METAP1: variants seen among roughly 807,000 people sequenced by gnomAD.
METAP1 encodes methionyl aminopeptidase 1.
METAP1 carries 28 observed loss-of-function variants against 53.8 expected under a neutral mutation model. The ratio of observed to expected loss-of-function variants is 0.52; its 90% CI spans 0.39 to 0.71. The LOEUF is 0.71. METAP1 is among the 30% of genes least tolerant of loss of function. The pLI is 0.00. For synonymous variants in METAP1, 181 were observed against 165.7 expected (o/e 1.09, Z -0.71); for missense variants, 389 against 479.8 (o/e 0.81, Z 1.77).
At chr4:99,033,110 A>G (rs1003778871) in intron 2 of METAP1, among the ~76,000 whole-genome samples, 16 of 152,312 alleles carry the variant, frequency 1.1e-4, no homozygotes, top group East Asian at 3.9e-4. Flanking sequence ...CTTGTGAACC[A>G]CACAGTCTCT....
intron 7 of METAP1, 111 bp from the exon 8 acceptor site, chr4:99,045,068 A>G (rs1292357957): frequency 1.2e-5 from 13 of 1,086,414 alleles, no homozygotes; most frequent in Non-Finnish European, 1.6e-5. Flanking sequence ...TAATTTGAGA[A>G]TGCAGAAGTT....
rs1727570038 is a variant in METAP1, at chr4:99,061,943, C to T, written c.*626C>T. On this transcript the variant is annotated 3_prime_UTR_variant, in exon 11 of 11. Transcript: ENST00000296411. ...GGAAGCACTCACCCAATGAGACTTT[C>T]TCCAATGTGGACTCTGTGTGTCAGT... is the stretch of plus-strand genomic sequence containing the variant. 6.6e-6 allele frequency: 1 copy of T among 152,178 alleles called. No individual in the cohort carries two copies. Among genetic ancestry groups the T allele is most frequent in the Non-Finnish European group, 1.5e-5 (1 of 68,036 alleles). 9.4% of individuals were successfully genotyped at this position (152,178 alleles called of 1,614,324 possible).
At chr4:99,025,157 AGC>A (rs1224068595) in intron 1 of METAP1, among the ~76,000 whole-genome samples, 1 of 152,232 alleles carries the variant, frequency 6.6e-6, no homozygotes, top group African/African-American at 2.4e-5. Flanking sequence ...ACTGACCAGT[AGC>A]AGTCCATGGC....
intron 1 of METAP1, among the ~76,000 whole-genome samples, chr4:99,018,089 C>T (rs1723881881): frequency 6.6e-6 from 1 of 152,228 alleles, no homozygotes; most frequent in Admixed American, 6.5e-5. Flanking sequence ...AAGCAATTTA[C>T]TTCTTAATGC....
At chr4:99,034,368 AC>A in intron 3 of METAP1, 26 bp downstream of exon 3, 2 of 1,317,382 alleles carry the variant, frequency 1.5e-6, no homozygotes, top group Non-Finnish European at 2.1e-6. Flanking sequence ...AATAAAAACA[AC>A]ATTCCAATTT....
chr4:99,008,384 AT>A (rs1246408077), intron 1 of METAP1, among the ~76,000 whole-genome samples: 1 of 152,150 alleles, frequency 6.6e-6, no homozygotes, highest in African/African-American at 2.4e-5. Flanking sequence ...TCAGTTGAAT[AT>A]TTTTTTCCAA....
chr4:99,029,256 AT>A (rs1724815549), intron 2 of METAP1, among the ~76,000 whole-genome samples: 1 of 152,104 alleles, frequency 6.6e-6, no homozygotes, highest in African/African-American at 2.4e-5. Flanking sequence ...TATGTGAGTG[AT>A]TTGGCTTCAT....
At chr4:99,012,181 A>G (rs1378245613) in intron 1 of METAP1, among the ~76,000 whole-genome samples, 1 of 150,734 alleles carries the variant, frequency 6.6e-6, no homozygotes, top group Admixed American at 6.6e-5. Flanking sequence ...ATTAATTTCT[A>G]ATATTTATTA....
intron 2 of METAP1, among the ~76,000 whole-genome samples, chr4:99,029,532 G>A (rs74385102): frequency 1.3e-5 from 2 of 152,124 alleles, no homozygotes; most frequent in African/African-American, 2.4e-5. Flanking sequence ...TGTCATTAGC[G>A]TGGCTGGTTT....
At chr4:99,010,047 A>AT (rs1427265223) in intron 1 of METAP1, among the ~76,000 whole-genome samples, 9 of 152,150 alleles carry the variant, frequency 5.9e-5, no homozygotes, top group African/African-American at 1.7e-4. Context: ...TTTTGAGTTA[A>AT]TTTTTATATA....
rs1724525954 is a variant in METAP1 at position 99,025,896 on chromosome 4, T to G, written c.115-2971T>G. ...CAACCCCTTGTCTTAACCCAGACAT[T>G]CCTTTCTACAGATAATAACACTTTC... On this transcript the variant is annotated intron_variant, in intron 1 of 10. Transcript: ENST00000296411. Among the ~76,000 whole-genome samples the G allele has an allele frequency of 2.0e-5, 3 of 152,220 alleles. No homozygotes were observed. The South Asian group carries it at 6.2e-4, about 32-fold the overall frequency.
At chr4:99,058,768 A>AT (rs1159016686) in intron 10 of METAP1, among the ~76,000 whole-genome samples, 1 of 152,258 alleles carries the variant, frequency 6.6e-6, no homozygotes, top group Non-Finnish European at 1.5e-5. Context: ...AAGGGCCTGC[A>AT]TGCCAGGAGG....
intron 1 of METAP1, chr4:99,023,872 A>G (rs1724328998): frequency 1.3e-6 from 1 of 772,750 alleles, no homozygotes; most frequent in Non-Finnish European, 1.6e-6. Context: ...CAGTAGAGAA[A>G]GAGTTACTTA....
chr4:99,001,746 G>T (rs1722937746), intron 1 of METAP1, among the ~76,000 whole-genome samples: 1 of 152,022 alleles, frequency 6.6e-6, no homozygotes, highest in Non-Finnish European at 1.5e-5. Flanking sequence ...ACTTACTCAG[G>T]AACGTATAAT....
At chr4:99,040,135 C>A (rs1309991735) in intron 5 of METAP1, among the ~76,000 whole-genome samples, 1 of 152,192 alleles carries the variant, frequency 6.6e-6, no homozygotes, top group South Asian at 2.1e-4. Flanking sequence ...ATTTAGATGA[C>A]AATCCTTTTC....
In METAP1 at chr4:99,061,113, GA is replaced by G. The variant is rs750841176; in HGVS notation, c.998-37del. 4.4e-6 allele frequency: 7 copies of G among 1,588,022 alleles called. No homozygotes were observed. In the African/African-American group the frequency reaches 8.1e-5, roughly 18 times the overall value. On this transcript the variant is annotated intron_variant, in intron 10 of 10. Transcript: ENST00000296411. ...CTTTCTTCTTGATAGAGTTCATTTAGAAAACTGAGTGAACTAAGAAATTGTT... is the reference window on the plus strand; with the variant it reads ...CTTTCTTCTTGATAGAGTTCATTTAGAAACTGAGTGAACTAAGAAATTGTT...
intron 2 of METAP1, among the ~76,000 whole-genome samples, chr4:99,032,709 TTCA>T (rs750239401): frequency 2.6e-5 from 4 of 152,142 alleles, no homozygotes; most frequent in Admixed American, 2.0e-4. Flanking sequence ...ATTCTTGAGG[TTCA>T]TGTTTCAGAC....
chr4:99,039,224 TA>T (rs1221778910), intron 4 of METAP1, 149 bp from the exon 5 acceptor site: 78 of 459,796 alleles, frequency 1.7e-4, no homozygotes, highest in Non-Finnish European at 2.4e-4. Context: ...TGTTTTTTTT[TA>T]AAAATCTAAC....
At chr4:99,027,544 ACC>A (rs35716602) in intron 1 of METAP1, among the ~76,000 whole-genome samples, 30 of 137,062 alleles carry the variant, frequency 2.2e-4, no homozygotes, top group African/African-American at 6.5e-4. Flanking sequence ...ACAAGAGGTC[ACC>A]CCCCCCCCGC....
Sources: allele counts gnomAD v4.1 joint callset (sites outside exome capture counted in the v4.1 genomes callset), GRCh38; gene constraint gnomAD v4.1.1; transcripts MANE v1.5; gene names NCBI Gene and HGNC (gene_info 2026-07-23, HGNC 2026-07-21).